Variants in UNC13C observed in about 807,000 individuals in gnomAD.
UNC13C encodes the protein unc-13 homolog C, also known as protein unc-13 homolog C.
In UNC13C, 174 loss-of-function variants were observed where a neutral mutation model predicts 245.4. The ratio of observed to expected loss-of-function variants is 0.71; its 90% CI spans 0.63 to 0.80. The LOEUF is 0.80. Among genes scored for constraint, UNC13C ranks in the 30% least tolerant of loss-of-function variants. UNC13C has a pLI of 0.00. For missense variants in UNC13C, 2,829 were observed against 2,602.9 expected (o/e 1.09, Z -1.89); for synonymous variants, 992 against 895.1 (o/e 1.11, Z -1.93).
At chr15:54,617,179 T>C (rs1422900340) in intron 30 of UNC13C, among the ~76,000 whole-genome samples, 1 of 152,006 alleles carries the variant, frequency 6.6e-6, no homozygotes, top group Non-Finnish European at 1.5e-5. Flanking sequence ...TAGAGTTTAG[T>C]GAAGTGAAAA....
intron 13 of UNC13C, chr15:54,321,315 C>G (rs2038151425): frequency 2.1e-6 from 1 of 472,732 alleles, no homozygotes; most frequent in Non-Finnish European, 4.2e-6. Flanking sequence ...AAAATAATCT[C>G]TTGGGTGATG....
chr15:54,513,316 AT>A (rs1344970093), intron 24 of UNC13C, among the ~76,000 whole-genome samples: 1 of 152,212 alleles, frequency 6.6e-6, no homozygotes, highest in Non-Finnish European at 1.5e-5. Context: ...ATAAAGTTAT[AT>A]TTAAAATGTC....
intron 4 of UNC13C, among the ~76,000 whole-genome samples, chr15:54,215,625 A>G (rs552144737): frequency 6.6e-6 from 1 of 152,086 alleles, no homozygotes; most frequent in South Asian, 2.1e-4. Context: ...TCTCCTTGAC[A>G]GTGAGGCCAT....
At chr15:54,139,909 T>C (rs2031930867) in intron 2 of UNC13C, among the ~76,000 whole-genome samples, 1 of 152,208 alleles carries the variant, frequency 6.6e-6, no homozygotes, top group African/African-American at 2.4e-5. Context: ...TTATAGATAC[T>C]TAACCTATTG....
At chr15:53,967,775 A>G in the UNC13C span, among the ~76,000 whole-genome samples, 4 of 152,332 alleles carry the variant, frequency 2.6e-5, no homozygotes, top group Admixed American at 1.3e-4. Flanking sequence ...GAGATAAATA[A>G]CTAGAGTTGG....
At position 54,489,228 on chromosome 15, in the gene UNC13C, C is replaced by A. The variant is rs1172672825; in HGVS notation, c.4934-5380C>A. Among the ~76,000 whole-genome samples the A allele has an allele frequency of 2.6e-5, 4 of 151,966 alleles. No homozygotes were observed. In the East Asian group the frequency reaches 7.7e-4, roughly 29 times the overall value. On this transcript the variant is annotated intron_variant, in intron 19 of 32. Coordinates refer to ENST00000260323, the MANE Select transcript of UNC13C (RefSeq NM_001080534.3). ...GAATCATTTAAGAGGCATTAACTACCCAGAATGTAACTGAGAGACCACAAA... is the reference window on the plus strand; with the variant it reads ...GAATCATTTAAGAGGCATTAACTACACAGAATGTAACTGAGAGACCACAAA...
chr15:54,582,458 G>T (rs531248236), intron 30 of UNC13C, among the ~76,000 whole-genome samples: 92 of 152,312 alleles, frequency 6.0e-4, no homozygotes, highest in Non-Finnish European at 1.0e-3. Context: ...TTCAGGAGGT[G>T]ATTCTTGAAT....
chr15:54,147,162 G>A (rs2032296940), intron 4 of UNC13C, among the ~76,000 whole-genome samples: 2 of 152,148 alleles, frequency 1.3e-5, no homozygotes, highest in Admixed American at 1.3e-4. Flanking sequence ...TCTCTCTAAG[G>A]GATATCTGAG....
intron 2 of UNC13C, among the ~76,000 whole-genome samples, chr15:54,120,696 G>A (rs1197895185): frequency 6.6e-6 from 1 of 151,972 alleles, no homozygotes; most frequent in Non-Finnish European, 1.5e-5. Flanking sequence ...CATTCTAGAT[G>A]TCATTAAGGC....
At chr15:53,842,427 C>T in the UNC13C span, among the ~76,000 whole-genome samples, 1 of 152,160 alleles carries the variant, frequency 6.6e-6, no homozygotes, top group Non-Finnish European at 1.5e-5. Context: ...ATAGGGCTGA[C>T]AATGTCCTAA....
intron 2 of UNC13C, among the ~76,000 whole-genome samples, chr15:54,062,098 T>A (rs1476215952): frequency 6.6e-6 from 1 of 152,018 alleles, no homozygotes; most frequent in Admixed American, 6.6e-5. Flanking sequence ...GGCAGGTGGA[T>A]CACCTGAGGT....
chr15:54,443,232 T>C (rs953579717), intron 19 of UNC13C, among the ~76,000 whole-genome samples: 3 of 152,164 alleles, frequency 2.0e-5, no homozygotes, highest in Admixed American at 6.5e-5. Flanking sequence ...GATGATCTTT[T>C]ACATTTCTGT....
chr15:54,413,779 T>G (rs2040461301), intron 18 of UNC13C, among the ~76,000 whole-genome samples: 1 of 152,174 alleles, frequency 6.6e-6, no homozygotes, highest in African/African-American at 2.4e-5. Context: ...TCATATTTCC[T>G]TAGGTAACAC....
At chr15:54,182,830 C>T (rs1215354806) in intron 4 of UNC13C, among the ~76,000 whole-genome samples, 2 of 151,808 alleles carry the variant, frequency 1.3e-5, no homozygotes, top group African/African-American at 4.8e-5. Context: ...GAGAAAATAT[C>T]TAGGTGGTTA....
intron 24 of UNC13C, among the ~76,000 whole-genome samples, chr15:54,514,789 G>C (rs573545746): frequency 6.6e-6 from 1 of 152,210 alleles, no homozygotes; most frequent in Non-Finnish European, 1.5e-5. Context: ...CTCTCTGTAT[G>C]GAGTTCAAAT....
At chr15:53,887,913 A>G in the UNC13C span, among the ~76,000 whole-genome samples, 1 of 152,150 alleles carries the variant, frequency 6.6e-6, no homozygotes, top group Non-Finnish European at 1.5e-5. Flanking sequence ...ATAGTATTCC[A>G]TGGTGTATAT....
At chr15:54,315,350 A>G (rs2140969622) in intron 13 of UNC13C, among the ~76,000 whole-genome samples, 1 of 151,788 alleles carries the variant, frequency 6.6e-6, no homozygotes, top group South Asian at 2.1e-4. Context: ...GTCAAGTCAA[A>G]TAACTTCTTT....
intron 19 of UNC13C, among the ~76,000 whole-genome samples, chr15:54,462,137 A>G (rs1237747048): frequency 1.3e-5 from 2 of 152,232 alleles, no homozygotes; most frequent in African/African-American, 4.8e-5. Context: ...TGACAAAGAA[A>G]AAGAGAGGCC....
chr15:53,918,468 A>G, the UNC13C span, among the ~76,000 whole-genome samples: 1 of 152,114 alleles, frequency 6.6e-6, no homozygotes, highest in Admixed American at 6.5e-5. Flanking sequence ...TCAACCTTTC[A>G]TAGTTTACAA....
Sources: allele counts gnomAD v4.1 joint callset (sites outside exome capture counted in the v4.1 genomes callset), GRCh38; gene constraint gnomAD v4.1.1; transcripts MANE v1.5; gene names NCBI Gene and HGNC (gene_info 2026-07-23, HGNC 2026-07-21).